The following PRKN variants were observed in gnomAD, a reference collection of about 807,000 sequenced individuals.
PRKN encodes parkin RBR E3 ubiquitin protein ligase, also known as E3 ubiquitin-protein ligase parkin.
In PRKN, 56 loss-of-function variants were observed where a neutral mutation model predicts 59.5. That is an observed-to-expected ratio of 0.94 (90% confidence interval 0.76 to 1.18). PRKN has a LOEUF of 1.18. Among genes scored for constraint, PRKN ranks in the 50% most tolerant of loss-of-function variants. The probability of loss-of-function intolerance (pLI) is 0.00; values close to 1 mark genes in which losing one functional copy is unlikely to be tolerated. For missense variants in PRKN, 657 were observed against 596.4 expected (o/e 1.10, Z -1.06); for synonymous variants, 250 against 222.1 (o/e 1.13, Z -1.12).
intron 6 of PRKN, among the ~76,000 whole-genome samples, chr6:161,857,195 C>T (rs1408545215): frequency 1.3e-5 from 2 of 152,186 alleles, no homozygotes; most frequent in African/African-American, 4.8e-5. Context: ...AACCACGGAA[C>T]TCCAGCCTGG....
intron 7 of PRKN, among the ~76,000 whole-genome samples, chr6:161,596,329 A>C (rs2128142131): frequency 6.6e-6 from 1 of 152,322 alleles, no homozygotes; most frequent in African/African-American, 2.4e-5. Flanking sequence ...TCTGGAAATA[A>C]AAGTTATTCA....
Position 161,565,270 on chromosome 6 carries a change from G to A in PRKN, c.933+4085C>T, listed in dbSNP as rs1780597748. On this transcript the variant is annotated intron_variant, in intron 8 of 11. Coordinates refer to ENST00000366898, the MANE Select transcript of PRKN (RefSeq NM_004562.3). The stretch of plus-strand genomic sequence containing the variant: ...CATCTGTGCCTACACAGATGAGTGT[G>A]TCAGAAAAACACCCAGTGGATTGAC... Among the ~76,000 whole-genome samples, 2 of 152,016 alleles carry A rather than the reference G, an allele frequency of 1.3e-5. 1 individual carries two copies. Among genetic ancestry groups the A allele is most frequent in the South Asian group, 4.1e-4 (2 of 4,824 alleles).
chr6:162,216,323 G>A (rs576213924), intron 3 of PRKN, among the ~76,000 whole-genome samples: 5 of 151,762 alleles, frequency 3.3e-5, no homozygotes, highest in African/African-American at 1.2e-4. Context: ...GAGGTCAGGA[G>A]ATCGAGATCA....
At chr6:162,122,602 A>G (rs1780959188) in intron 4 of PRKN, among the ~76,000 whole-genome samples, 1 of 152,128 alleles carries the variant, frequency 6.6e-6, no homozygotes, top group South Asian at 2.1e-4. Context: ...GATTTTTCTC[A>G]TATTATCAAG....
intron 9 of PRKN, among the ~76,000 whole-genome samples, chr6:161,534,441 C>A (rs1218303297): frequency 6.6e-6 from 1 of 152,342 alleles, no homozygotes; most frequent in South Asian, 2.1e-4. Flanking sequence ...TAGAAGGCAG[C>A]TCCTGCTCAC....
intron 6 of PRKN, among the ~76,000 whole-genome samples, chr6:161,905,762 A>G (rs1284795716): frequency 2.0e-5 from 3 of 152,014 alleles, no homozygotes; most frequent in Admixed American, 2.0e-4. Context: ...GGCATTCAAG[A>G]CCAGCCTGGC....
At chr6:161,389,988 G>A (rs1475743134) in intron 9 of PRKN, among the ~76,000 whole-genome samples, 1 of 152,202 alleles carries the variant, frequency 6.6e-6, no homozygotes, top group Non-Finnish European at 1.5e-5. Flanking sequence ...CCCCACTTTA[G>A]CATGGCAAAA....
chr6:161,828,431 T>C (rs1792335830), intron 6 of PRKN, among the ~76,000 whole-genome samples: 1 of 152,210 alleles, frequency 6.6e-6, no homozygotes, highest in African/African-American at 2.4e-5. Flanking sequence ...CAAACAGTGA[T>C]GCACAACAGC....
At chr6:161,840,253 A>C (rs1447760003) in intron 6 of PRKN, among the ~76,000 whole-genome samples, 2 of 152,206 alleles carry the variant, frequency 1.3e-5, no homozygotes, top group Non-Finnish European at 2.9e-5. Flanking sequence ...TGCAGATGGC[A>C]TCTGGGGCAT....
intron 6 of PRKN, among the ~76,000 whole-genome samples, chr6:161,915,835 C>T (rs1778535160): frequency 2.0e-5 from 3 of 152,108 alleles, no homozygotes; most frequent in African/African-American, 7.2e-5. Context: ...TGAATATTTA[C>T]CATTGACAGA....
intron 2 of PRKN, among the ~76,000 whole-genome samples, chr6:162,281,596 AT>A (rs1329514865): frequency 6.6e-6 from 1 of 152,194 alleles, no homozygotes; most frequent in Non-Finnish European, 1.5e-5. Context: ...AAAGTTGCTT[AT>A]AAAAAAGAAA....
rs1440218283 is a variant in PRKN at position 161,369,481 on chromosome 6, A to G, written c.1168-9276T>C. On this transcript the variant is annotated intron_variant, in intron 10 of 11. Coordinates refer to ENST00000366898, the MANE Select transcript of PRKN (RefSeq NM_004562.3). The surrounding 1 kb of genome is among the most constrained non-coding windows in gnomAD (Gnocchi z 5.8). ...GTTCCCGCCTTAGTCATCAAGCTCT[A>G]AAGCAATGCCTGCTTATTGTGTTGC... 1.3e-5 allele frequency among the ~76,000 whole-genome samples: 2 copies of G among 152,142 alleles called. No individual in the cohort carries two copies. The highest frequency in any genetic ancestry group is 6.5e-5 in the Admixed American group (1 of 15,278).
Position 161,363,632 on chromosome 6 carries a change from G to A in PRKN, c.1168-3427C>T, listed in dbSNP as rs1163058861. On this transcript the variant is annotated intron_variant, in intron 10 of 11. Transcript: ENST00000366898. The surrounding 1 kb of genome is among the most constrained non-coding windows in gnomAD (Gnocchi z 4.1). ...GAGCATGAGAGAGAAACAGTGTTTG[G>A]AGAGAGTGGCAAAAAAACACACAAA... Among the ~76,000 whole-genome samples the A allele has an allele frequency of 6.6e-6, 1 of 152,160 alleles. No homozygotes were observed. Among genetic ancestry groups the A allele is most frequent in the African/African-American group, 2.4e-5 (1 of 41,434 alleles).
At chr6:161,850,528 A>G (rs1039858150) in intron 6 of PRKN, among the ~76,000 whole-genome samples, 5 of 134,900 alleles carry the variant, frequency 3.7e-5, no homozygotes, top group Non-Finnish European at 7.7e-5. Flanking sequence ...GTGAGCTGAG[A>G]TTGCACCACT....
intron 1 of PRKN, among the ~76,000 whole-genome samples, chr6:162,700,778 T>TA (rs1485513235): frequency 6.6e-6 from 1 of 152,050 alleles, no homozygotes. Context: ...CTTTTACTCC[T>TA]ATTTTCTATT....
intron 1 of PRKN, among the ~76,000 whole-genome samples, chr6:162,704,837 T>C (rs1226613708): frequency 1.3e-5 from 2 of 152,138 alleles, no homozygotes; most frequent in South Asian, 2.1e-4. Context: ...GTGAAACAAA[T>C]GGACTTCGGA....
Position 161,960,514 on chromosome 6 carries a change from CAT to C in PRKN, c.734+12786_734+12787del, listed in dbSNP as rs368152833. Among the ~76,000 whole-genome samples, 112 of 152,332 alleles carry C rather than the reference CAT, an allele frequency of 7.4e-4. 1 individual carries two copies. Among genetic ancestry groups the C allele is most frequent in the African/African-American group, 2.5e-3 (103 of 41,568 alleles). ...ATTTAAGATCACCTACATAGTCACA[CAT>C]GTCTATAAATAACTCTTGGATTAAT... is the stretch of plus-strand genomic sequence containing the variant. On this transcript the variant is annotated intron_variant, in intron 6 of 11. Transcript: ENST00000366898.
chr6:161,952,894 T>C (rs1780040404), intron 6 of PRKN, among the ~76,000 whole-genome samples: 1 of 152,194 alleles, frequency 6.6e-6, no homozygotes, highest in Non-Finnish European at 1.5e-5. Context: ...AAGAATCACA[T>C]GTATAAAACA....
chr6:162,022,025 T>TTTTGATC (rs2128276190), intron 5 of PRKN, among the ~76,000 whole-genome samples: 1 of 152,182 alleles, frequency 6.6e-6, no homozygotes, highest in East Asian at 1.9e-4. Flanking sequence ...AAGGACAGGA[T>TTTTGATC]TTTGATCTTT....
Sources: allele counts gnomAD v4.1 joint callset (sites outside exome capture counted in the v4.1 genomes callset), GRCh38; gene constraint gnomAD v4.1.1; non-coding constraint Gnocchi (gnomAD v3.1); transcripts MANE v1.5; gene names NCBI Gene and HGNC (gene_info 2026-07-23, HGNC 2026-07-21).